Variants in BHMT observed in about 807,000 individuals in gnomAD.
BHMT encodes the protein betaine--homocysteine S-methyltransferase 1.
A neutral mutation model predicts 49.5 loss-of-function variants in BHMT; 38 were observed. That is an observed-to-expected ratio of 0.77 (90% CI 0.59 to 1.01). BHMT has a LOEUF of 1.01. Ranked by LOEUF, BHMT falls within the 50% of genes least tolerant of loss-of-function variation. The pLI is 0.00. For synonymous variants in BHMT, 166 were observed against 176.3 expected (o/e 0.94, Z 0.46); for missense variants, 426 against 495.7 (o/e 0.86, Z 1.34).
intron 5 of BHMT, among the ~76,000 whole-genome samples, chr5:79,121,920 C>A (rs1271848152): frequency 6.6e-6 from 1 of 151,108 alleles, no homozygotes; most frequent in Non-Finnish European, 1.5e-5. Context: ...CTGTGTTAAA[C>A]CAAATTAAGC....
chr5:79,126,829 A>T (rs986928479), intron 6 of BHMT, among the ~76,000 whole-genome samples: 2 of 152,138 alleles, frequency 1.3e-5, no homozygotes, highest in Non-Finnish European at 2.9e-5. Flanking sequence ...TCCCAGCATG[A>T]TTGGGAAGAG....
intron 1 of BHMT, among the ~76,000 whole-genome samples, chr5:79,112,806 C>G (rs914100787): frequency 6.6e-6 from 1 of 151,984 alleles, no homozygotes; most frequent in Non-Finnish European, 1.5e-5. Flanking sequence ...ATTTGGGGAA[C>G]GGATGGATAG....
chr5:79,120,612 G>T, intron 4 of BHMT, 71 bp downstream of exon 4: 1 of 1,421,596 alleles, frequency 7.0e-7, no homozygotes, highest in Non-Finnish European at 9.4e-7. Flanking sequence ...GCTTTCAAGA[G>T]TACTGTGTGG....
At chr5:79,127,206 C>T (rs1263833587) in intron 6 of BHMT, among the ~76,000 whole-genome samples, 2 of 152,230 alleles carry the variant, frequency 1.3e-5, no homozygotes, top group East Asian at 3.9e-4. Context: ...CACCTGAAGG[C>T]CTGTTGGGAG....
Position 79,121,248 on chromosome 5 carries a change from G to T in BHMT, c.508G>T (p.Ala170Ser). Residue 170 changes from alanine (A) to serine (S), a missense_variant, in exon 5 of 8, where the codon GCA becomes TCA. Transcript: ENST00000274353. ...TGAACACGTTGAAGAAGCTGTGTGG[G>T]CAGTTGAAACCTTGATAGCATCCGG... ...YFEHVEEAVW[A>S]VETLIASGKP... 1 of 1,614,174 alleles carries T rather than the reference G, an allele frequency of 6.2e-7. No individual in the cohort carries two copies. The highest frequency in any genetic ancestry group is 1.6e-4 in the Middle Eastern group (1 of 6,062).
At chr5:79,126,562 C>T (rs1756556714) in intron 6 of BHMT, among the ~76,000 whole-genome samples, 1 of 152,252 alleles carries the variant, frequency 6.6e-6, no homozygotes, top group Non-Finnish European at 1.5e-5. Flanking sequence ...GTTCTAGTTC[C>T]AGCTCTGTTG....
Position 79,130,809 on chromosome 5 carries a change from G to A in BHMT, c.1038-124G>A, listed in dbSNP as rs140800552. 2.2e-4 allele frequency: 200 copies of A among 902,534 alleles called. No individual in the cohort carries two copies. In the African/African-American group the frequency reaches 3.7e-3, roughly 17 times the overall value. 55.9% of individuals were successfully genotyped at this position (902,534 alleles called of 1,614,324 possible). A position where few individuals can be genotyped will look rare whatever the true frequency, so the allele number is the denominator to read the frequency against. ...CACCTTTGCTTTTTAATGTCTGATA[G>A]GCAACTTTGTGTGCTGCGTGAAATT... On this transcript the variant is annotated intron_variant, in intron 7 of 7. Transcript: ENST00000274353.
intron 5 of BHMT, among the ~76,000 whole-genome samples, chr5:79,125,150 A>AT (rs926530049): frequency 3.4e-4 from 51 of 151,708 alleles, no homozygotes; most frequent in South Asian, 2.1e-3. Context: ...AATTCTAATA[A>AT]TTTTTTTTTG....
intron 5 of BHMT, among the ~76,000 whole-genome samples, chr5:79,121,834 A>AG (rs1756478384): frequency 6.6e-6 from 1 of 151,078 alleles, no homozygotes; most frequent in Non-Finnish European, 1.5e-5. Flanking sequence ...AAAAAAAAAA[A>AG]GAATATCCTC....
intron 2 of BHMT, among the ~76,000 whole-genome samples, chr5:79,117,742 C>A (rs1355791450): frequency 6.6e-6 from 1 of 152,188 alleles, no homozygotes; most frequent in Non-Finnish European, 1.5e-5. Flanking sequence ...TATAGTTGCT[C>A]CTGGACCTTT....
chr5:79,125,542 C>T (rs954623295), intron 5 of BHMT, among the ~76,000 whole-genome samples: 1 of 151,300 alleles, frequency 6.6e-6, no homozygotes, highest in Non-Finnish European at 1.5e-5. Flanking sequence ...AAAGCACTTT[C>T]ACAGAAAGCA....
chr5:79,128,586 G>A (rs1756591263), intron 7 of BHMT, among the ~76,000 whole-genome samples: 1 of 150,866 alleles, frequency 6.6e-6, no homozygotes, highest in Non-Finnish European at 1.5e-5. Context: ...GCAATGAAAT[G>A]TGATTTTGTG....
At chr5:79,128,315 G>T in intron 7 of BHMT, 1 of 193,308 alleles carries the variant, frequency 5.2e-6, no homozygotes. Context: ...GATCTCGGGA[G>T]TTTGAGACCA....
intron 6 of BHMT, 76 bp downstream of exon 6, chr5:79,126,304 G>T: frequency 1.3e-6 from 2 of 1,507,876 alleles, no homozygotes; most frequent in South Asian, 2.4e-5. Context: ...TCTATACCCA[G>T]AGATCTTTTG....
At position 79,115,942 on chromosome 5, in the gene BHMT, G is replaced by T. The variant is rs200127835; in HGVS notation, c.166+43G>T. Reference sequence around the variant, plus strand: ...TTGTAAGTTCTCATAAAGGAGCCGGGTGTGGAGGCTCATGCCTGTAATCCC... The same window carrying T: ...TTGTAAGTTCTCATAAAGGAGCCGGTTGTGGAGGCTCATGCCTGTAATCCC... On this transcript the variant is annotated intron_variant, in intron 2 of 7. Transcript: ENST00000274353. 2,677 of 1,558,198 alleles carry T rather than the reference G, an allele frequency of 1.7e-3. 18 individuals are homozygous for T. The Middle Eastern group carries it at 0.022, about 13-fold the overall frequency.
intron 1 of BHMT, among the ~76,000 whole-genome samples, chr5:79,114,902 T>C (rs928689079): frequency 2.6e-5 from 4 of 152,196 alleles, no homozygotes; most frequent in Non-Finnish European, 5.9e-5. Flanking sequence ...CACAAAACCC[T>C]TTCAAAATAC....
Position 79,132,006 on chromosome 5 carries a change from A to G in BHMT, c.*890A>G, listed in dbSNP as rs1056026245. ...ATAAGGCTGAGCAGAGTGAGCTTGT[A>G]TTAGTTGGTAGCTTTTAAAAAATAT... On this transcript the variant is annotated 3_prime_UTR_variant, in exon 8 of 8. Coordinates refer to ENST00000274353, the MANE Select transcript of BHMT (RefSeq NM_001713.3). The G allele has an allele frequency of 6.6e-6, 1 of 152,252 alleles. No homozygotes were observed. Among genetic ancestry groups the G allele is most frequent in the Non-Finnish European group, 1.5e-5 (1 of 68,042 alleles). 9.4% of individuals were successfully genotyped at this position (152,252 alleles called of 1,614,324 possible).
intron 1 of BHMT, among the ~76,000 whole-genome samples, chr5:79,115,383 A>T (rs1489007710): frequency 3.3e-5 from 4 of 121,738 alleles, no homozygotes; most frequent in African/African-American, 9.9e-5. Context: ...TTGTTGATAG[A>T]GTAAGAAGAC....
At chr5:79,122,593 A>G (rs621678) in intron 5 of BHMT, among the ~76,000 whole-genome samples, 109,987 of 151,766 alleles carry the variant, frequency 0.72, 40,217 homozygotes, top group East Asian at 0.91. Context: ...GGTAGCCAAA[A>G]ATCTTCAACA....
Sources: allele counts gnomAD v4.1 joint callset (sites outside exome capture counted in the v4.1 genomes callset), GRCh38; gene constraint gnomAD v4.1.1; transcripts MANE v1.5; gene names NCBI Gene and HGNC (gene_info 2026-07-23, HGNC 2026-07-21).